PYY: variants seen among roughly 807,000 people sequenced by gnomAD.
The protein encoded by PYY is peptide YY, also known as peptide tyrosine tyrosine.
PYY carries 12 observed loss-of-function variants against 10.3 expected under a neutral mutation model. That is an observed-to-expected ratio of 1.17 (90% CI 0.75 to 1.89). The LOEUF (loss-of-function observed/expected upper bound fraction) is 1.89, where lower values mean the gene tolerates loss of function less well. PYY is among the 40% of genes most tolerant of loss of function. The pLI, the probability that PYY is intolerant of heterozygous loss-of-function variation, is 0.00. For synonymous variants in PYY, 66 were observed against 62.0 expected (o/e 1.06, Z -0.30); for missense variants, 141 against 134.0 (o/e 1.05, Z -0.26).
intron 1 of PYY, among the ~76,000 whole-genome samples, chr17:43,993,255 T>C (rs2048969771): frequency 6.6e-6 from 1 of 151,818 alleles, no homozygotes; most frequent in African/African-American, 2.4e-5. Context: ...GGTCAGGAGA[T>C]CGAGACCAAC....
upstream of PYY, among the ~76,000 whole-genome samples, chr17:43,957,204 A>C (rs1213775664): frequency 6.7e-6 from 1 of 150,018 alleles, no homozygotes; most frequent in South Asian, 2.1e-4. Context: ...TCCAAAAAAA[A>C]AAAAAAAAAA....
At chr17:43,966,694 G>A (rs1376753103) in intron 1 of PYY, among the ~76,000 whole-genome samples, 1 of 152,160 alleles carries the variant, frequency 6.6e-6, no homozygotes, top group Non-Finnish European at 1.5e-5. Context: ...GCACTTTCTA[G>A]CATTCTATGT....
At position 43,962,492 on chromosome 17, in the gene PYY, A is replaced by G. The variant is rs372357810; in HGVS notation, c.-218+3796T>C. ...GCTTAAGATCTACACTCTATAGTAC[A>G]GTATTATTAACTATTAACTATAGTC... is the stretch of plus-strand genomic sequence containing the variant. On this transcript the variant is annotated intron_variant, in intron 2 of 6. Transcript: ENST00000360085. Among the ~76,000 whole-genome samples the G allele has an allele frequency of 3.2e-4, 49 of 152,344 alleles. 1 individual carries two copies. The highest frequency in any genetic ancestry group is 1.1e-3 in the African/African-American group (45 of 41,570).
At chr17:44,001,888 T>G (rs2049029935) in intron 1 of PYY, among the ~76,000 whole-genome samples, 1 of 152,184 alleles carries the variant, frequency 6.6e-6, no homozygotes, top group Admixed American at 6.5e-5. Flanking sequence ...GATGAAGAGC[T>G]GGCCTTGCAG....
At chr17:43,982,411 G>A (rs1254416200) in intron 1 of PYY, among the ~76,000 whole-genome samples, 6 of 152,258 alleles carry the variant, frequency 3.9e-5, no homozygotes, top group Non-Finnish European at 8.8e-5. Flanking sequence ...CTCCTCTACT[G>A]ATTGAGGAAG....
intron 1 of PYY, among the ~76,000 whole-genome samples, chr17:43,990,349 G>T (rs1242769902): frequency 1.3e-5 from 2 of 149,528 alleles, no homozygotes; most frequent in African/African-American, 4.9e-5. Context: ...TAAGGCATGA[G>T]AATTGCTTGA....
intron 1 of PYY, among the ~76,000 whole-genome samples, chr17:43,976,209 ACGTATATGTATACATATATACATATG>A (rs2048838444): frequency 7.0e-6 from 1 of 143,522 alleles, no homozygotes. Context: ...ATATACATAT[ACGTATATGTATACATATATACATATG>A]CGTATATATA....
At chr17:43,985,908 T>A (rs1364611386) in intron 1 of PYY, among the ~76,000 whole-genome samples, 6 of 152,168 alleles carry the variant, frequency 3.9e-5, no homozygotes, top group Non-Finnish European at 8.8e-5. Context: ...ATAATTCCAA[T>A]TTCGTAAAAT....
intron 1 of PYY, among the ~76,000 whole-genome samples, chr17:44,002,207 T>C (rs1347389500): frequency 3.3e-5 from 5 of 152,116 alleles, no homozygotes; most frequent in Non-Finnish European, 7.4e-5. Flanking sequence ...CCCGGGACAG[T>C]GTGTCCGAGG....
At chr17:43,969,533 A>C (rs1326934800) in intron 1 of PYY, among the ~76,000 whole-genome samples, 1 of 151,328 alleles carries the variant, frequency 6.6e-6, no homozygotes, top group African/African-American at 2.4e-5. Flanking sequence ...AAAAAAAAAA[A>C]AGCAAATGCT....
chr17:43,979,591 T>G, intron 1 of PYY, among the ~76,000 whole-genome samples: 1 of 146,688 alleles, frequency 6.8e-6, no homozygotes, highest in Admixed American at 6.8e-5. Flanking sequence ...GACAGGAGGG[T>G]CACTTAATGC....
intron 1 of PYY, among the ~76,000 whole-genome samples, chr17:43,977,322 T>C (rs1336182390): frequency 6.6e-6 from 1 of 151,904 alleles, no homozygotes; most frequent in Non-Finnish European, 1.5e-5. Context: ...GGGTGGAAGG[T>C]GACAGCAGAG....
intron 1 of PYY, among the ~76,000 whole-genome samples, chr17:43,983,693 G>A (rs976183145): frequency 4.6e-5 from 7 of 152,198 alleles, no homozygotes; most frequent in Non-Finnish European, 7.3e-5. Flanking sequence ...CCCCGGGGCC[G>A]GGTCTTAGGC....
intron 1 of PYY, among the ~76,000 whole-genome samples, chr17:43,975,679 A>G (rs1344586444): frequency 6.7e-6 from 1 of 149,486 alleles, no homozygotes; most frequent in Admixed American, 6.7e-5. Context: ...AGATCATACC[A>G]CTGCACTCCA....
At chr17:43,968,537 C>T (rs930619723) in intron 1 of PYY, among the ~76,000 whole-genome samples, 2 of 152,164 alleles carry the variant, frequency 1.3e-5, no homozygotes, top group Middle Eastern at 3.2e-3. Context: ...GCTGGCCAGG[C>T]GCGGTGGCTC....
chr17:43,960,849 C>CAAA (rs754256255), intron 2 of PYY, among the ~76,000 whole-genome samples: 10 of 127,274 alleles, frequency 7.9e-5, no homozygotes, highest in South Asian at 5.0e-4. Flanking sequence ...GACTCCGTCG[C>CAAA]AAAAAAAAAA....
chr17:43,960,359 A>G (rs1156282920), intron 2 of PYY, among the ~76,000 whole-genome samples: 1 of 151,592 alleles, frequency 6.6e-6, no homozygotes, highest in Non-Finnish European at 1.5e-5. Context: ...CCTGGCCAAC[A>G]TGGTGAAACC....
chr17:43,995,770 G>T (rs903959669), intron 1 of PYY, among the ~76,000 whole-genome samples: 6 of 148,532 alleles, frequency 4.0e-5, no homozygotes, highest in African/African-American at 1.5e-4. Context: ...GGAGGCAGAG[G>T]TTGCGGTGAG....
intron 1 of PYY, among the ~76,000 whole-genome samples, chr17:43,979,748 G>A (rs1450538562): frequency 1.3e-5 from 2 of 150,910 alleles, no homozygotes; most frequent in African/African-American, 2.4e-5. Context: ...GCGGTGGGGG[G>A]AGAAATGGGT....
Sources: allele counts gnomAD v4.1 joint callset (sites outside exome capture counted in the v4.1 genomes callset), GRCh38; gene constraint gnomAD v4.1.1; transcripts MANE v1.5; gene names NCBI Gene and HGNC (gene_info 2026-07-23, HGNC 2026-07-21).